The following MTERF4 variants were observed in gnomAD, a reference collection of about 807,000 sequenced individuals.
MTERF4 encodes mitochondrial transcription termination factor 4, also known as transcription termination factor 4, mitochondrial.
In MTERF4, 17 loss-of-function variants were observed where a neutral mutation model predicts 22.5. That is an observed-to-expected ratio of 0.75 (90% CI 0.52 to 1.13). The LOEUF (loss-of-function observed/expected upper bound fraction) is 1.13, where lower values mean the gene tolerates loss of function less well. Among genes scored for constraint, MTERF4 ranks in the 50% most tolerant of loss-of-function variants. The pLI, the probability that MTERF4 is intolerant of heterozygous loss-of-function variation, is 0.00. For missense variants in MTERF4, 420 were observed against 466.8 expected, an observed-to-expected ratio of 0.90 and a Z score of 0.92; for synonymous variants, 165 against 175.3, an observed-to-expected ratio of 0.94 and a Z score of 0.47.
the MTERF4 span, among the ~76,000 whole-genome samples, chr2:241,047,161 A>T: frequency 3.7e-5 from 4 of 107,704 alleles, no homozygotes; most frequent in African/African-American, 1.2e-4. Flanking sequence ...AAAAAAAAAA[A>T]AAAAAAAAGT....
the MTERF4 span, among the ~76,000 whole-genome samples, chr2:241,045,727 AT>A: frequency 4.5e-3 from 679 of 151,940 alleles, 4 homozygotes; most frequent in African/African-American, 0.015. Context: ...AAAAAAAAAA[AT>A]TTATGACCTG....
the MTERF4 span, among the ~76,000 whole-genome samples, chr2:241,056,839 C>G: frequency 1.3e-5 from 2 of 151,952 alleles, no homozygotes; most frequent in Non-Finnish European, 2.9e-5. Flanking sequence ...CCTCAGCCTC[C>G]CACAGTGCTG....
At chr2:241,068,547 C>G (rs542581400), downstream of MTERF4, among the ~76,000 whole-genome samples, 11 of 152,136 alleles carry the variant, frequency 7.2e-5, no homozygotes, top group Non-Finnish European at 1.2e-4. This position sits in a 1 kb window ranked among gnomAD's most constrained non-coding sequence, Gnocchi z 5.3. Flanking sequence ...TCACGTTGTC[C>G]TGTGGTTTCC....
At chr2:241,084,790 A>T (rs1374549633), downstream of MTERF4, among the ~76,000 whole-genome samples, 17 of 152,102 alleles carry the variant, frequency 1.1e-4, no homozygotes, top group East Asian at 3.1e-3. Flanking sequence ...CTTAACTCTA[A>T]CATCTCCTAT....
chr2:241,047,818 A>G, the MTERF4 span, among the ~76,000 whole-genome samples: 15,053 of 122,034 alleles, frequency 0.12, 816 homozygotes, highest in East Asian at 0.22. Context: ...GTCCATTCCC[A>G]GGTGGTTTCT....
At position 241,079,256 on chromosome 2, in the gene MTERF4, CA is replaced by C. The variant is rs796973883; in HGVS notation, n.480-3575del. ...TGAAACCCCATCTCTACTAAAAATA[CA>C]AAAAATTAGCCGGGCGCAGTGGCAG... On this transcript the variant is annotated intron_variant and non_coding_transcript_variant, in intron 4 of 4. Coordinates refer to the MTERF4 transcript ENST00000464344. Among the ~76,000 whole-genome samples the C allele has an allele frequency of 2.8e-4, 41 of 148,052 alleles. 1 individual carries two copies. The highest frequency in any genetic ancestry group is 9.0e-4 in the African/African-American group (36 of 40,164).
At chr2:241,078,863 C>T (rs974872753) in intron 4 of MTERF4, among the ~76,000 whole-genome samples, 6 of 152,068 alleles carry the variant, frequency 3.9e-5, no homozygotes, top group Non-Finnish European at 7.4e-5. Flanking sequence ...CCTGTAATCC[C>T]AGCACTTTGG....
downstream of MTERF4, chr2:241,089,303 A>G: frequency 4.5e-6 from 7 of 1,550,100 alleles, no homozygotes; most frequent in Non-Finnish European, 6.1e-6. Flanking sequence ...CTGGTGGCGC[A>G]GATGAGTGAG....
downstream of MTERF4, chr2:241,071,735 C>T (rs755028769): frequency 3.0e-5 from 46 of 1,515,062 alleles, no homozygotes; most frequent in Admixed American, 3.9e-5. Context: ...ATGCCCCACC[C>T]ATCGGCCCCA....
chr2:241,069,179 G>A (rs2062594898), downstream of MTERF4, among the ~76,000 whole-genome samples: 1 of 152,220 alleles, frequency 6.6e-6, no homozygotes, highest in Admixed American at 6.5e-5. The surrounding 1 kb of genome is among the most constrained non-coding windows in gnomAD (Gnocchi z 4.9). Flanking sequence ...CCACTGGGCA[G>A]GAGCCGCTGG....
the MTERF4 span, among the ~76,000 whole-genome samples, chr2:241,062,093 TTCAC>T: frequency 1.3e-5 from 2 of 152,164 alleles, no homozygotes; most frequent in Admixed American, 1.3e-4. Flanking sequence ...AACAAAAACA[TTCAC>T]TATTGTTTAG....
downstream of MTERF4, chr2:241,094,034 G>T (rs548281030): frequency 3.4e-6 from 1 of 297,132 alleles, no homozygotes; most frequent in Non-Finnish European, 6.6e-6. The surrounding 1 kb of genome is among the most constrained non-coding windows in gnomAD (Gnocchi z 4.3). Flanking sequence ...CAACAGCCTA[G>T]GTTCTAGGGA....
chr2:241,063,801 TG>T, the MTERF4 span: 12 of 820,506 alleles, frequency 1.5e-5, no homozygotes, highest in African/African-American at 2.1e-4. Context: ...GCAGGCCACC[TG>T]GGGAGAGGGA....
downstream of MTERF4, chr2:241,090,363 A>G (rs1354858335): frequency 3.2e-6 from 5 of 1,550,304 alleles, no homozygotes; most frequent in Admixed American, 2.0e-5. Context: ...TCCTGTGACA[A>G]TGATGCCTTC....
At chr2:241,094,380 C>G (rs1444756099), downstream of MTERF4, 6 of 470,928 alleles carry the variant, frequency 1.3e-5, no homozygotes, top group African/African-American at 4.0e-5. The surrounding 1 kb of genome is among the most constrained non-coding windows in gnomAD (Gnocchi z 4.3). Context: ...AGCTGCTTTT[C>G]TTTTGCAAAA....
chr2:241,079,120 A>C (rs2063198790), intron 4 of MTERF4, among the ~76,000 whole-genome samples: 1 of 146,728 alleles, frequency 6.8e-6, no homozygotes, highest in Admixed American at 6.8e-5. Flanking sequence ...TCTCAAAAAA[A>C]AAAAAAAAAA....
At chr2:241,059,632 T>A in the MTERF4 span, among the ~76,000 whole-genome samples, 8 of 152,240 alleles carry the variant, frequency 5.3e-5, no homozygotes, top group Non-Finnish European at 1.0e-4. Context: ...GTCTAACTTT[T>A]AATGTCAATC....
the MTERF4 span, chr2:241,064,839 C>T: frequency 6.3e-7 from 1 of 1,579,502 alleles, no homozygotes; most frequent in Non-Finnish European, 8.6e-7. This position sits in a 1 kb window ranked among gnomAD's most constrained non-coding sequence, Gnocchi z 7.0. Flanking sequence ...TTTTTCTCCC[C>T]TCAGTGAGTG....
At chr2:241,094,003 T>C (rs747043595), downstream of MTERF4, 13 of 245,732 alleles carry the variant, frequency 5.3e-5, no homozygotes, top group South Asian at 4.5e-5. The surrounding 1 kb of genome is among the most constrained non-coding windows in gnomAD (Gnocchi z 4.3). Flanking sequence ...GGATTCTACT[T>C]AGTCCTCCGA....
Sources: allele counts gnomAD v4.1 joint callset (sites outside exome capture counted in the v4.1 genomes callset), GRCh38; gene constraint gnomAD v4.1.1; non-coding constraint Gnocchi (gnomAD v3.1); transcripts MANE v1.5; gene names NCBI Gene and HGNC (gene_info 2026-07-23, HGNC 2026-07-21).